Variants in RFWD3 observed in about 807,000 individuals in gnomAD.
RFWD3 encodes E3 ubiquitin-protein ligase RFWD3.
Under a neutral mutation model 87.7 loss-of-function variants are expected in RFWD3, and 65 were observed. That is an observed-to-expected ratio of 0.74 (90% CI 0.61 to 0.91). The LOEUF (loss-of-function observed/expected upper bound fraction) is 0.91, where lower values mean the gene tolerates loss of function less well. RFWD3 is among the 40% of genes least tolerant of loss of function. RFWD3 has a pLI of 0.00. For missense variants in RFWD3, 1,078 were observed against 938.5 expected, an observed-to-expected ratio of 1.15 and a Z score of -1.94; for synonymous variants, 433 against 352.8, an observed-to-expected ratio of 1.23 and a Z score of -2.55.
Position 74,651,948 on chromosome 16 carries a change from T to G in RFWD3, c.693A>C (p.Ala231=). Residue 231 remains alanine (A), a synonymous_variant, in exon 3 of 13, where the codon GCA becomes GCC. Transcript: ENST00000361070. ...SAEYGGVVDQ[A]EESGAVILEE... ...CTAAAATGACAGCTCCAGATTCCTC[T>G]GCCTGGTCAACAACCCCTCCATACT... The G allele has an allele frequency of 6.2e-7, 1 of 1,614,002 alleles. No individual in the cohort carries two copies. Among genetic ancestry groups the G allele is most frequent in the Non-Finnish European group, 8.5e-7 (1 of 1,179,892 alleles).
chr16:74,661,308 C>G lies in RFWD3; in HGVS notation c.142G>C (p.Gly48Arg), dbSNP rs756366559. Residue 48 changes from glycine (G) to arginine (R), a missense_variant, in exon 2 of 13, where the codon GGG (glycine) becomes CGG (arginine). Coordinates refer to ENST00000361070, the MANE Select transcript of RFWD3 (RefSeq NM_018124.4). ...GCTGGCTGGAGGATGGATGGTACCC[C>G]CTGGCTGCTGACCACATCAGCAGGA... ...PVPADVVSSQ[G>R]VPSILQPAPA... The G allele has an allele frequency of 1.5e-5, 24 of 1,614,084 alleles. No individual in the cohort carries two copies. The Middle Eastern group carries it at 4.9e-4, about 33-fold the overall frequency.
rs1958808259 is a variant in RFWD3 at position 74,622,869 on chromosome 16, A to G, written c.*1059T>C. ...TTCACATGGGGAAGGCTTTAACTGGATAACTGGAATGTATAAAGAACACTT... is the reference window on the plus strand; with the variant it reads ...TTCACATGGGGAAGGCTTTAACTGGGTAACTGGAATGTATAAAGAACACTT... On this transcript the variant is annotated 3_prime_UTR_variant, in exon 13 of 13. Coordinates refer to ENST00000361070, the MANE Select transcript of RFWD3 (RefSeq NM_018124.4). 2 of 152,358 alleles carry G rather than the reference A, an allele frequency of 1.3e-5. No homozygotes were observed. The highest frequency in any genetic ancestry group is 4.1e-4 in the South Asian group (2 of 4,832). 9.4% of individuals were successfully genotyped at this position (152,358 alleles called of 1,614,324 possible).
At chr16:74,662,520 G>C (rs1405449737) in intron 1 of RFWD3, among the ~76,000 whole-genome samples, 2 of 152,160 alleles carry the variant, frequency 1.3e-5, no homozygotes, top group African/African-American at 4.8e-5. Context: ...TTGGGGTTGA[G>C]GAGACAAAGA....
intron 6 of RFWD3, 26 bp from the exon 7 acceptor site, chr16:74,637,996 T>G (rs1226066766): frequency 2.6e-6 from 4 of 1,537,454 alleles, no homozygotes; most frequent in Non-Finnish European, 3.6e-6. Flanking sequence ...CAGCAACAAG[T>G]GGGGATTAGG....
intron 3 of RFWD3, among the ~76,000 whole-genome samples, chr16:74,650,585 T>C (rs981951285): frequency 6.6e-6 from 1 of 152,156 alleles, no homozygotes; most frequent in Non-Finnish European, 1.5e-5. Context: ...GATCCACTGA[T>C]GATCTTTGCC....
In RFWD3 at chr16:74,661,114, G is replaced by T; in HGVS notation, c.336C>A (p.Ile112=). Residue 112 remains isoleucine (I), a synonymous_variant, in exon 2 of 13, where the codon ATC becomes ATA. Transcript: ENST00000361070. The part of the protein sequence containing the change: ...HRQGSDGNHT[I]PASSLHSMTN... The stretch of plus-strand genomic sequence containing the variant: ...TCATTGAATGCAACGAAGATGCTGG[G>T]ATGGTGTGATTACCATCAGATCCCT... The T allele has an allele frequency of 6.2e-7, 1 of 1,614,206 alleles. No individual in the cohort carries two copies.
At chr16:74,659,395 A>G (rs1463415310) in intron 2 of RFWD3, among the ~76,000 whole-genome samples, 1 of 152,124 alleles carries the variant, frequency 6.6e-6, no homozygotes, top group Non-Finnish European at 1.5e-5. Context: ...AATGTATGAA[A>G]TCTTACCCTG....
chr16:74,630,942 G>C lies in RFWD3; in HGVS notation c.1593C>G (p.Thr531=), dbSNP rs368615205. Residue 531 remains threonine, a synonymous_variant, in exon 10 of 13, where the codon ACC becomes ACG. Transcript: ENST00000361070. ...GTCCAGCATTATAAGTCTGGACCAC[G>C]GTATTTGTCTCCAGGCTGTGGAGTT... ...TIKLTSLETN[T]VVQTYNAGRP... 4 of 1,608,478 alleles carry C rather than the reference G, an allele frequency of 2.5e-6. No individual in the cohort carries two copies. Among genetic ancestry groups the C allele is most frequent in the Non-Finnish European group, 3.4e-6 (4 of 1,178,600 alleles).
At chr16:74,658,757 G>C (rs1307364169) in intron 2 of RFWD3, among the ~76,000 whole-genome samples, 1 of 150,444 alleles carries the variant, frequency 6.6e-6, no homozygotes, top group African/African-American at 2.4e-5. Context: ...TCCCTGAGCA[G>C]ATTCTATAAT....
chr16:74,646,300 C>G (rs990149543), intron 4 of RFWD3, among the ~76,000 whole-genome samples: 2 of 152,092 alleles, frequency 1.3e-5, no homozygotes, highest in Non-Finnish European at 2.9e-5. Flanking sequence ...CACCTGAGCC[C>G]GGGATATTGA....
chr16:74,637,820 T>A, intron 7 of RFWD3, 36 bp downstream of exon 7: 1 of 1,489,842 alleles, frequency 6.7e-7, no homozygotes, highest in South Asian at 1.2e-5. Context: ...CCATTCCTAT[T>A]CCAAAAGTTC....
intron 2 of RFWD3, 180 bp downstream of exon 2, chr16:74,660,752 C>T (rs1961361373): frequency 1.6e-6 from 1 of 633,764 alleles, no homozygotes; most frequent in Middle Eastern, 4.4e-4. Context: ...AACAGTTTAA[C>T]TTATCCCTTC....
chr16:74,629,424 C>T (rs1251338341), intron 10 of RFWD3, among the ~76,000 whole-genome samples: 2 of 152,138 alleles, frequency 1.3e-5, no homozygotes, highest in South Asian at 2.1e-4. Context: ...TTCGGGAAGC[C>T]GAGGTGGGAG....
intron 4 of RFWD3, 147 bp downstream of exon 4, chr16:74,648,985 A>G (rs1273820572): frequency 2.3e-6 from 1 of 429,680 alleles, no homozygotes; most frequent in Non-Finnish European, 4.1e-6. Context: ...AGGAGGCTGA[A>G]GTGGGAGGAT....
intron 1 of RFWD3, among the ~76,000 whole-genome samples, chr16:74,663,691 G>C (rs1431923244): frequency 6.6e-6 from 1 of 152,142 alleles, no homozygotes; most frequent in African/African-American, 2.4e-5. Context: ...AATGCAAACA[G>C]GGTATGATAT....
In RFWD3 at chr16:74,652,011, C is replaced by T. The variant is rs757432710; in HGVS notation, c.630G>A (p.Val210=). The change falls in exon 3 of 13, where the codon GTG becomes GTA. Residue 210 remains valine (V), a synonymous_variant. Transcript: ENST00000361070. ...CACTGTCAGAATCAGAACTACTAGACACCTGCAACTCTTCAGATACAGGAT... is the reference window on the plus strand; with the variant it reads ...CACTGTCAGAATCAGAACTACTAGATACCTGCAACTCTTCAGATACAGGAT... ...TRNPVSEELQ[V]SSSSDSDSDS... is the part of the protein sequence containing the mutation. The T allele has an allele frequency of 2.5e-6, 4 of 1,614,090 alleles. No individual in the cohort carries two copies. Among genetic ancestry groups the T allele is most frequent in the South Asian group, 1.1e-5 (1 of 91,070 alleles).
chr16:74,636,205 C>G, intron 8 of RFWD3, 141 bp downstream of exon 8: 1 of 701,406 alleles, frequency 1.4e-6, no homozygotes, highest in South Asian at 1.8e-5. Flanking sequence ...CTTTGCAGCA[C>G]CCTGGGGTAC....
At chr16:74,646,990 G>A (rs1960199324) in intron 4 of RFWD3, among the ~76,000 whole-genome samples, 1 of 152,064 alleles carries the variant, frequency 6.6e-6, no homozygotes, top group Non-Finnish European at 1.5e-5. Flanking sequence ...GGGAGGCTGA[G>A]GCAGGAGAAT....
At chr16:74,625,532 A>G (rs931046654) in intron 12 of RFWD3, among the ~76,000 whole-genome samples, 7 of 150,332 alleles carry the variant, frequency 4.7e-5, no homozygotes, top group African/African-American at 1.5e-4. Context: ...AAAAAAGGAC[A>G]GACCAGGCGC....
Sources: allele counts gnomAD v4.1 joint callset (sites outside exome capture counted in the v4.1 genomes callset), GRCh38; gene constraint gnomAD v4.1.1; transcripts MANE v1.5; gene names NCBI Gene and HGNC (gene_info 2026-07-23, HGNC 2026-07-21).